The following NLGN1 variants were observed in gnomAD, a reference collection of about 807,000 sequenced individuals.
The protein encoded by NLGN1 is neuroligin-1.
NLGN1 carries 12 observed loss-of-function variants against 65.5 expected under a neutral mutation model. The ratio of observed to expected loss-of-function variants is 0.18; its 90% CI spans 0.12 to 0.30. The LOEUF (loss-of-function observed/expected upper bound fraction) is 0.30, where lower values mean the gene tolerates loss of function less well. Ranked by LOEUF, NLGN1 falls within the 10% of genes least tolerant of loss-of-function variation. The probability of loss-of-function intolerance (pLI) is 1.00; values close to 1 mark genes in which losing one functional copy is unlikely to be tolerated. For synonymous variants in NLGN1, 350 were observed against 359.5 expected (o/e 0.97, Z 0.30); for missense variants, 750 against 1,007.1 (o/e 0.74, Z 3.46).
At chr3:174,194,855 C>CTT (rs1733106059) in intron 4 of NLGN1, among the ~76,000 whole-genome samples, 2 of 98,906 alleles carry the variant, frequency 2.0e-5, no homozygotes, top group Admixed American at 1.1e-4. Flanking sequence ...ATTTTTTTTT[C>CTT]TTTTTTCTTT....
intron 4 of NLGN1, among the ~76,000 whole-genome samples, chr3:174,065,062 AT>A (rs1738226938): frequency 6.6e-6 from 1 of 151,904 alleles, no homozygotes; most frequent in African/African-American, 2.4e-5. Flanking sequence ...ATAAAATTGT[AT>A]TTTTTGAAAT....
At chr3:173,900,004 T>C (rs1409019374) in intron 4 of NLGN1, among the ~76,000 whole-genome samples, 2 of 152,118 alleles carry the variant, frequency 1.3e-5, no homozygotes, top group Non-Finnish European at 2.9e-5. Flanking sequence ...TTTTCCTTTT[T>C]CCTTTCAATC....
chr3:173,782,072 T>G (rs761321716), intron 3 of NLGN1, among the ~76,000 whole-genome samples: 3 of 150,314 alleles, frequency 2.0e-5, no homozygotes, highest in Non-Finnish European at 3.0e-5. Context: ...AAAGCAATCC[T>G]ACTGTTGGAA....
chr3:173,728,246 T>A (rs760374375), intron 3 of NLGN1, among the ~76,000 whole-genome samples: 3 of 151,912 alleles, frequency 2.0e-5, no homozygotes, highest in Admixed American at 2.0e-4. Context: ...AAGTGACAAA[T>A]GAATAAGACG....
chr3:173,485,281 G>T (rs1727996866), intron 2 of NLGN1, among the ~76,000 whole-genome samples: 1 of 152,070 alleles, frequency 6.6e-6, no homozygotes, highest in African/African-American at 2.4e-5. Context: ...CTACAAATGA[G>T]ATTTGAATGG....
chr3:174,228,971 C>T (rs947010819), intron 4 of NLGN1, among the ~76,000 whole-genome samples: 1 of 152,016 alleles, frequency 6.6e-6, no homozygotes, highest in Non-Finnish European at 1.5e-5. Flanking sequence ...CCATTTATTT[C>T]CAAAGCATGT....
intron 2 of NLGN1, among the ~76,000 whole-genome samples, chr3:173,498,182 C>T (rs926718901): frequency 6.6e-6 from 1 of 151,636 alleles, no homozygotes; most frequent in Non-Finnish European, 1.5e-5. Context: ...TTAGGTATAT[C>T]TCCTAATGCT....
intron 4 of NLGN1, among the ~76,000 whole-genome samples, chr3:174,014,937 T>G (rs924760385): frequency 6.6e-6 from 1 of 152,104 alleles, no homozygotes; most frequent in African/African-American, 2.4e-5. Flanking sequence ...TCATTTATTT[T>G]CAAGTCCACC....
chr3:174,148,477 T>C (rs953490226), intron 4 of NLGN1, among the ~76,000 whole-genome samples: 1 of 152,184 alleles, frequency 6.6e-6, no homozygotes, highest in Admixed American at 6.5e-5. Context: ...ACCCTATAGC[T>C]ACACTTGCAT....
chr3:173,788,985 C>G (rs147751013), intron 3 of NLGN1, among the ~76,000 whole-genome samples: 1 of 151,866 alleles, frequency 6.6e-6, no homozygotes, highest in Non-Finnish European at 1.5e-5. Flanking sequence ...ATCACGAGGT[C>G]AGGAGTTCCA....
At chr3:173,670,118 G>A (rs540065515) in intron 3 of NLGN1, among the ~76,000 whole-genome samples, 1 of 152,162 alleles carries the variant, frequency 6.6e-6, no homozygotes, top group East Asian at 1.9e-4. Context: ...TGAAAGTGTT[G>A]AATTCTAGAT....
intron 2 of NLGN1, among the ~76,000 whole-genome samples, chr3:173,497,250 G>A (rs116771281): frequency 0.062 from 9,380 of 151,658 alleles, 371 homozygotes; most frequent in South Asian, 0.13. Context: ...TAGGCATGGC[G>A]GTATGCTCCT....
chr3:174,056,179 A>G (rs933330801), intron 4 of NLGN1, among the ~76,000 whole-genome samples: 8 of 152,048 alleles, frequency 5.3e-5, no homozygotes, highest in Admixed American at 5.3e-4. Flanking sequence ...CCAGAAAGCA[A>G]ATTCTTAACT....
At chr3:173,444,999 C>T (rs1445519502) in intron 2 of NLGN1, among the ~76,000 whole-genome samples, 1 of 151,022 alleles carries the variant, frequency 6.6e-6, no homozygotes. Context: ...GGCGCGGTCG[C>T]GGCTCACGCC....
At chr3:173,801,374 A>G (rs1715424736) in intron 3 of NLGN1, among the ~76,000 whole-genome samples, 2 of 152,006 alleles carry the variant, frequency 1.3e-5, no homozygotes, top group Admixed American at 1.3e-4. Flanking sequence ...GTTTCAGAGT[A>G]AGTGCCAGAA....
chr3:174,173,424 G>A (rs1456187470), intron 4 of NLGN1, among the ~76,000 whole-genome samples: 1 of 151,996 alleles, frequency 6.6e-6, no homozygotes, highest in Non-Finnish European at 1.5e-5. Context: ...TCCGCTTTCA[G>A]TGTGATATTA....
intron 3 of NLGN1, chr3:173,644,557 C>G (rs1369153069): frequency 6.0e-6 from 1 of 165,490 alleles, no homozygotes; most frequent in African/African-American, 2.4e-5. Context: ...TCCATTTTGA[C>G]TTCATGGGCC....
At chr3:174,083,797 C>T (rs1742724315) in intron 4 of NLGN1, among the ~76,000 whole-genome samples, 1 of 150,066 alleles carries the variant, frequency 6.7e-6, no homozygotes, top group African/African-American at 2.5e-5. Flanking sequence ...AAACAAGGAA[C>T]AGGTAAAAAA....
intron 3 of NLGN1, among the ~76,000 whole-genome samples, chr3:173,759,218 C>G (rs1178510639): frequency 1.3e-5 from 2 of 151,880 alleles, no homozygotes; most frequent in Non-Finnish European, 2.9e-5. Flanking sequence ...AATATTTTAT[C>G]TATTTTTCTA....
Sources: gnomAD v4.1 joint callset for allele counts (sites outside exome capture counted in the v4.1 genomes callset) on GRCh38, gnomAD v4.1.1 for gene constraint, MANE v1.5 for transcripts, NCBI Gene and HGNC (gene_info 2026-07-23, HGNC 2026-07-21) for gene names.